Variants in AZIN2 observed in about 807,000 individuals in gnomAD.
The protein encoded by AZIN2 is ODC antizyme inhibitor-2.
A neutral mutation model predicts 47.8 loss-of-function variants in AZIN2; 28 were observed. That is an observed-to-expected ratio of 0.59 (90% CI 0.43 to 0.80). AZIN2 has a LOEUF of 0.80. AZIN2 is among the 30% of genes least tolerant of loss of function. AZIN2 has a pLI of 0.00. For synonymous variants in AZIN2, 221 were observed against 239.4 expected, an observed-to-expected ratio of 0.92 and a Z score of 0.71; for missense variants, 535 against 582.5, an observed-to-expected ratio of 0.92 and a Z score of 0.84.
At chr1:33,147,513 C>T in the AZIN2 span, 1 of 1,613,538 alleles carries the variant, frequency 6.2e-7, no homozygotes. This position sits in a 1 kb window ranked among gnomAD's most constrained non-coding sequence, Gnocchi z 8.1. Context: ...CCAGCCCGAT[C>T]ACCCACTGGG....
chr1:33,095,320 G>C (rs746785070), intron 8 of AZIN2, among the ~76,000 whole-genome samples: 42 of 152,180 alleles, frequency 2.8e-4, no homozygotes, highest in Non-Finnish European at 4.7e-4. Context: ...GTTCCTAACA[G>C]AAGTCCAGTG....
chr1:33,159,979 G>C, the AZIN2 span: 1 of 1,586,842 alleles, frequency 6.3e-7, no homozygotes, highest in Non-Finnish European at 8.6e-7. The surrounding 1 kb of genome is among the most constrained non-coding windows in gnomAD (Gnocchi z 4.2). Flanking sequence ...TATGGCTGGG[G>C]GAGCAGATGG....
intron 10 of AZIN2, among the ~76,000 whole-genome samples, chr1:33,115,432 C>T (rs1393371380): frequency 6.6e-6 from 1 of 151,562 alleles, no homozygotes; most frequent in Non-Finnish European, 1.5e-5. Context: ...AGGCTGGGTG[C>T]AGTGGCTCAC....
At chr1:33,107,932 T>C (rs1340919286) in intron 10 of AZIN2, among the ~76,000 whole-genome samples, 1 of 152,208 alleles carries the variant, frequency 6.6e-6, no homozygotes, top group African/African-American at 2.4e-5. Context: ...ATGCAGTCCC[T>C]ATCAAAATTC....
chr1:33,147,472 A>G, the AZIN2 span: 1 of 1,613,886 alleles, frequency 6.2e-7, no homozygotes, highest in South Asian at 1.1e-5. This position sits in a 1 kb window ranked among gnomAD's most constrained non-coding sequence, Gnocchi z 8.1. Flanking sequence ...CTGGATCTGG[A>G]TGCTGCCCTT....
At chr1:33,102,880 C>T (rs1180163279) in intron 10 of AZIN2, among the ~76,000 whole-genome samples, 1 of 152,192 alleles carries the variant, frequency 6.6e-6, no homozygotes, top group Admixed American at 6.5e-5. Context: ...TTTCCAACCC[C>T]AAACTTCTCT....
chr1:33,107,785 G>A (rs1329453549), intron 10 of AZIN2, among the ~76,000 whole-genome samples: 1 of 152,118 alleles, frequency 6.6e-6, no homozygotes, highest in Non-Finnish European at 1.5e-5. Flanking sequence ...TAAGAGATGT[G>A]TACGCTGAAA....
chr1:33,147,072 G>T, the AZIN2 span: 1 of 1,291,440 alleles, frequency 7.7e-7, no homozygotes, highest in Non-Finnish European at 1.1e-6. The surrounding 1 kb of genome is among the most constrained non-coding windows in gnomAD (Gnocchi z 8.1). Context: ...CTGGCCTGAG[G>T]TCTCCAGTGG....
Position 33,082,197 on chromosome 1 carries a change from G to T in AZIN2, c.-53G>T. 1 of 1,478,634 alleles carries T rather than the reference G, an allele frequency of 6.8e-7. No individual in the cohort carries two copies. Among genetic ancestry groups the T allele is most frequent in the Non-Finnish European group, 9.4e-7 (1 of 1,061,892 alleles). 91.6% of individuals were successfully genotyped at this position (1,478,634 alleles called of 1,614,324 possible). A position where few individuals can be genotyped will look rare whatever the true frequency, so the allele number is the denominator to read the frequency against. ...CCGCAGTGTGTTGCATACTTTCTAA[G>T]GCGGCGGCTGCAGCAGCGGCTCCAT... On this transcript the variant is annotated 5_prime_UTR_variant, in exon 4 of 12. The change creates a new upstream start codon in the 5' untranslated region. Transcript: ENST00000294517.
rs1644826899 is a variant in AZIN2 at position 33,123,216 on chromosome 1, T to C, written c.*3034T>C. Among the ~76,000 whole-genome samples the C allele has an allele frequency of 6.6e-6, 1 of 152,210 alleles. No homozygotes were observed. Among genetic ancestry groups the C allele is most frequent in the African/African-American group, 2.4e-5 (1 of 41,448 alleles). On this transcript the variant is annotated 3_prime_UTR_variant, in exon 12 of 12. Transcript: ENST00000294517. The stretch of plus-strand genomic sequence containing the variant: ...CTTTAGAAAATAGCATGTCCTAGTC[T>C]CTCTCTTTTCTCTTAACTAGTTTTC...
At chr1:33,135,947 C>T in the AZIN2 span, among the ~76,000 whole-genome samples, 1 of 152,024 alleles carries the variant, frequency 6.6e-6, no homozygotes, top group African/African-American at 2.4e-5. Flanking sequence ...CCTCCCCACC[C>T]TGCCGGTAAT....
the AZIN2 span, among the ~76,000 whole-genome samples, chr1:33,140,884 C>T: frequency 1.8e-4 from 28 of 152,312 alleles, no homozygotes; most frequent in African/African-American, 6.5e-4. The surrounding 1 kb of genome is among the most constrained non-coding windows in gnomAD (Gnocchi z 4.0). Context: ...CCTTCTCCTT[C>T]TGCTCAGGCT....
chr1:33,111,290 T>A (rs1413519914), intron 10 of AZIN2, among the ~76,000 whole-genome samples: 1 of 152,244 alleles, frequency 6.6e-6, no homozygotes, highest in Non-Finnish European at 1.5e-5. Flanking sequence ...CATTCCAGTG[T>A]ATCTTCACAA....
chr1:33,136,868 G>A, the AZIN2 span, among the ~76,000 whole-genome samples: 5 of 151,814 alleles, frequency 3.3e-5, no homozygotes, highest in South Asian at 2.1e-4. Flanking sequence ...GTGGTGGTGC[G>A]TGCTTGTAGT....
the AZIN2 span, chr1:33,159,993 G>C: frequency 6.3e-7 from 1 of 1,580,230 alleles, no homozygotes; most frequent in African/African-American, 1.3e-5. This position sits in a 1 kb window ranked among gnomAD's most constrained non-coding sequence, Gnocchi z 4.2. Flanking sequence ...CAGATGGGGT[G>C]ATCTCTGGGT....
the AZIN2 span, chr1:33,165,352 T>G: frequency 1.0e-6 from 1 of 974,056 alleles, no homozygotes; most frequent in Middle Eastern, 3.4e-4. This position sits in a 1 kb window ranked among gnomAD's most constrained non-coding sequence, Gnocchi z 4.0. Context: ...GTTTGGCTCC[T>G]TGAAGCCAGG....
chr1:33,160,323 G>T, the AZIN2 span, among the ~76,000 whole-genome samples: 1 of 152,110 alleles, frequency 6.6e-6, no homozygotes, highest in Admixed American at 6.5e-5. Flanking sequence ...TAGGAGGGAT[G>T]AGGGAGCTGG....
intron 9 of AZIN2, 79 bp downstream of exon 9, chr1:33,096,948 AGACCCAGTGGCAGAG>A (rs1643221420): frequency 3.3e-5 from 52 of 1,569,862 alleles, no homozygotes; most frequent in Non-Finnish European, 4.3e-5. Flanking sequence ...ATCTGGTTTT[AGACCCAGTGGCAGAG>A]GATGGGGGAA....
Position 33,122,943 on chromosome 1 carries a change from G to T in AZIN2, c.*2761G>T, listed in dbSNP as rs566745838. On this transcript the variant is annotated 3_prime_UTR_variant, in exon 12 of 12. Coordinates refer to ENST00000294517, the MANE Select transcript of AZIN2 (RefSeq NM_052998.4). ...TCAGCAGCCAGATGCCGTACCTCCT[G>T]GGATTCCGTTTCACCAAGAATGAAA... is the stretch of plus-strand genomic sequence containing the variant. 1.5e-3 allele frequency among the ~76,000 whole-genome samples: 225 copies of T among 152,220 alleles called. No individual in the cohort carries two copies. The highest frequency in any genetic ancestry group is 2.4e-3 in the Non-Finnish European group (165 of 67,990).
Sources: gnomAD v4.1 joint callset for allele counts (sites outside exome capture counted in the v4.1 genomes callset) on GRCh38, gnomAD v4.1.1 for gene constraint, Gnocchi (gnomAD v3.1) non-coding constraint, MANE v1.5 for transcripts, NCBI Gene and HGNC (gene_info 2026-07-23, HGNC 2026-07-21) for gene names.